Variants in URB2 observed in about 807,000 individuals in gnomAD.
URB2 encodes unhealthy ribosome biogenesis protein 2 homolog.
Under a neutral mutation model 120.9 loss-of-function variants are expected in URB2, and 86 were observed. The ratio of observed to expected loss-of-function variants is 0.71; its 90% CI spans 0.60 to 0.85. The LOEUF (loss-of-function observed/expected upper bound fraction) is 0.85. Among genes scored for constraint, URB2 ranks in the 40% least tolerant of loss-of-function variants. The probability of loss-of-function intolerance (pLI) is 0.00; values close to 1 mark genes in which losing one functional copy is unlikely to be tolerated. For missense variants in URB2, 1,765 were observed against 1,836.5 expected, an observed-to-expected ratio of 0.96 and a Z score of 0.71; for synonymous variants, 755 against 758.4, an observed-to-expected ratio of 1.00 and a Z score of 0.07.
chr1:229,645,850 T>C lies in URB2; in HGVS notation c.3796-9T>C, dbSNP rs1167901852. ...TCTCTGCCGCTAAGTTTTTTCTCTC[T>C]TGCCCCAGGCTGTTGTGTCAGCTGT... On this transcript the variant is annotated splice_polypyrimidine_tract_variant and intron_variant, in intron 5 of 9. Transcript: ENST00000258243. 6.2e-7 allele frequency: 1 copy of C among 1,613,604 alleles called. No homozygotes were observed. The highest frequency in any genetic ancestry group is 1.7e-5 in the Admixed American group (1 of 60,022).
chr1:229,651,411 C>A, intron 8 of URB2, 89 bp downstream of exon 8: 1 of 1,081,666 alleles, frequency 9.2e-7, no homozygotes, highest in Non-Finnish European at 1.3e-6. Context: ...AATAAAACTA[C>A]TCACTTGTGT....
At chr1:229,650,627 C>T (rs1374128840) in intron 7 of URB2, among the ~76,000 whole-genome samples, 1 of 152,100 alleles carries the variant, frequency 6.6e-6, no homozygotes, top group East Asian at 1.9e-4. Context: ...AACAGGGTTT[C>T]ACCCTGTTGG....
chr1:229,650,216 A>C (rs1032029817), intron 7 of URB2, among the ~76,000 whole-genome samples: 9 of 152,190 alleles, frequency 5.9e-5, no homozygotes, highest in African/African-American at 2.2e-4. Flanking sequence ...CTGTGTCTCC[A>C]TCGTCCAGTA....
chr1:229,640,786 T>G (rs1389917829), intron 4 of URB2, among the ~76,000 whole-genome samples: 3 of 152,208 alleles, frequency 2.0e-5, no homozygotes, highest in Non-Finnish European at 4.4e-5. Flanking sequence ...GCTTTGATAT[T>G]ACATTGTTCT....
chr1:229,647,958 G>A, intron 7 of URB2, among the ~76,000 whole-genome samples: 1 of 152,198 alleles, frequency 6.6e-6, no homozygotes, highest in East Asian at 1.9e-4. Flanking sequence ...GGGTTTGTGA[G>A]CGAGTTTTTC....
rs555211003 is a variant in URB2, at chr1:229,639,721, A to T, written c.3634+1474A>T. On this transcript the variant is annotated intron_variant, in intron 4 of 9. Transcript: ENST00000258243. The stretch of plus-strand genomic sequence containing the variant: ...TAGTTCACCCCTGTCCCCCCACCAT[A>T]TTAGGGTGCTGCCAGGTGCAAGTGC... Among the ~76,000 whole-genome samples the T allele has an allele frequency of 2.6e-5, 4 of 152,174 alleles. No individual in the cohort carries two copies. In the East Asian group the frequency reaches 7.7e-4, roughly 29 times the overall value.
chr1:229,645,654 T>C (rs1307354359), intron 5 of URB2, among the ~76,000 whole-genome samples: 2 of 152,170 alleles, frequency 1.3e-5, no homozygotes. Context: ...GCTCATCTTC[T>C]TCACTTCCTT....
chr1:229,628,084 T>C (rs1665557592), intron 2 of URB2, among the ~76,000 whole-genome samples: 1 of 144,046 alleles, frequency 6.9e-6, no homozygotes, highest in Non-Finnish European at 1.5e-5. Context: ...TCCCATCTCT[T>C]AAAAAAATTA....
At chr1:229,627,782 A>G (rs1665547261) in intron 2 of URB2, 23 bp downstream of exon 2, 4 of 1,596,000 alleles carry the variant, frequency 2.5e-6, no homozygotes, top group Non-Finnish European at 3.4e-6. Flanking sequence ...TGAAACTCAT[A>G]TTTTTACAGT....
Position 229,632,283 on chromosome 1 carries a change from G to T in URB2, c.141G>T (p.Trp47Cys). 6.4e-7 allele frequency: 1 copy of T among 1,565,176 alleles called. No individual in the cohort carries two copies. Among genetic ancestry groups the T allele is most frequent in the East Asian group, 2.3e-5 (1 of 42,792 alleles). Reference sequence around the variant, plus strand: ...TTCAAATTCAGGTGTTACTTGATTGGGCAAGACAATCATTGGTTGCATTTT... The same window carrying T: ...TTCAAATTCAGGTGTTACTTGATTGTGCAAGACAATCATTGGTTGCATTTT... ...LPNKEQVLLD[W>C]ARQSLVAFYK... Residue 47 changes from tryptophan to cysteine, a missense_variant, in exon 3 of 10, where the codon TGG becomes TGT. By Grantham distance (215) the Trp-to-Cys change is radical. Transcript: ENST00000258243.
intron 7 of URB2, among the ~76,000 whole-genome samples, chr1:229,649,082 C>A (rs1666213805): frequency 6.6e-6 from 1 of 152,188 alleles, no homozygotes; most frequent in African/African-American, 2.4e-5. Context: ...TCTTATAGGA[C>A]CACTGTTGTT....
intron 9 of URB2, among the ~76,000 whole-genome samples, chr1:229,657,566 C>T (rs1257397495): frequency 2.6e-5 from 4 of 152,208 alleles, no homozygotes; most frequent in African/African-American, 9.7e-5. Flanking sequence ...AGTCCACTTA[C>T]AAAGCCCTCA....
chr1:229,632,452 C>A lies in URB2; in HGVS notation c.303+7C>A. The A allele has an allele frequency of 6.5e-7, 1 of 1,547,666 alleles. No homozygotes were observed. The highest frequency in any genetic ancestry group is 1.3e-5 in the South Asian group (1 of 76,780). Reference sequence around the variant, plus strand: ...TCAGATTTCCCTAGTCAAGGTAATTCACTTTTCTGTTCTGTATGTGTTGCA... The same window carrying A: ...TCAGATTTCCCTAGTCAAGGTAATTAACTTTTCTGTTCTGTATGTGTTGCA... On this transcript the variant is annotated splice_region_variant and intron_variant, in intron 3 of 9. Coordinates refer to ENST00000258243, the MANE Select transcript of URB2 (RefSeq NM_014777.4).
Position 229,636,713 on chromosome 1 carries a change from G to A in URB2, c.2100G>A (p.Leu700=). ...GGTCTGAAGGAGCCATCCAAAGTTTGAGGTGCGATGCTGCCTTTATTATTG... is the reference window on the plus strand; with the variant it reads ...GGTCTGAAGGAGCCATCCAAAGTTTAAGGTGCGATGCTGCCTTTATTATTG... ...SFRSEGAIQS[L]RCDAAFIIGS... The change falls in exon 4 of 10, where the codon TTG becomes TTA. Residue 700 remains leucine, a synonymous_variant. Transcript: ENST00000258243. 1.9e-6 allele frequency: 3 copies of A among 1,613,842 alleles called. No individual in the cohort carries two copies. The highest frequency in any genetic ancestry group is 2.5e-6 in the Non-Finnish European group (3 of 1,179,904).
chr1:229,626,590 T>C (rs944476087), intron 1 of URB2, among the ~76,000 whole-genome samples: 11 of 152,274 alleles, frequency 7.2e-5, no homozygotes, highest in African/African-American at 2.7e-4. Context: ...CCCCTGGTTC[T>C]TGTTGCTTGG....
intron 9 of URB2, among the ~76,000 whole-genome samples, chr1:229,655,851 G>T (rs1666394650): frequency 6.6e-6 from 1 of 152,228 alleles, no homozygotes; most frequent in African/African-American, 2.4e-5. Context: ...TGTCCAGGGA[G>T]GCTGGGTTGA....
At chr1:229,639,177 C>T (rs1236571328) in intron 4 of URB2, among the ~76,000 whole-genome samples, 1 of 152,026 alleles carries the variant, frequency 6.6e-6, no homozygotes, top group Non-Finnish European at 1.5e-5. Flanking sequence ...CGTCTGTAGT[C>T]CCAGCTACTC....
chr1:229,642,064 C>G (rs1395796429), intron 4 of URB2, among the ~76,000 whole-genome samples: 3 of 152,142 alleles, frequency 2.0e-5, no homozygotes, highest in Non-Finnish European at 4.4e-5. Flanking sequence ...CTGTATCCTG[C>G]TCTGGAGATG....
In URB2 at chr1:229,636,113, A is replaced by G. The variant is rs565003139; in HGVS notation, c.1500A>G (p.Ala500=). Residue 500 remains alanine (A), a synonymous_variant, in exon 4 of 10, where the codon GCA becomes GCG. Coordinates refer to ENST00000258243, the MANE Select transcript of URB2 (RefSeq NM_014777.4). ...CGGGCCCCTCCACGGTACTCTCTGC[A>G]TGCCTCCTGGAGCTGCCTCCAAGTC... ...LASGPSTVLS[A]CLLELPPSQI... 3.2e-5 allele frequency: 51 copies of G among 1,614,256 alleles called. 1 individual carries two copies. Among genetic ancestry groups the G allele is most frequent in the South Asian group, 2.7e-4 (25 of 91,088 alleles).
Sources: gnomAD v4.1 joint callset for allele counts (sites outside exome capture counted in the v4.1 genomes callset) on GRCh38, gnomAD v4.1.1 for gene constraint, MANE v1.5 for transcripts, NCBI Gene and HGNC (gene_info 2026-07-23, HGNC 2026-07-21) for gene names.